Variants in ARPC3 observed in about 807,000 individuals in gnomAD.
ARPC3 encodes actin related protein 2/3 complex subunit 3, also known as actin-related protein 2/3 complex subunit 3.
ARPC3 carries 12 observed loss-of-function variants against 27.6 expected under a neutral mutation model. The ratio of observed to expected loss-of-function variants is 0.43; its 90% CI spans 0.28 to 0.70. The LOEUF is 0.70. Among genes scored for constraint, ARPC3 ranks in the 30% least tolerant of loss-of-function variants. The pLI is 0.17. For synonymous variants in ARPC3, 53 were observed against 67.2 expected, an observed-to-expected ratio of 0.79 and a Z score of 1.03; for missense variants, 153 against 207.7, an observed-to-expected ratio of 0.74 and a Z score of 1.62.
chr12:110,441,510 A>G (rs551548253), intron 2 of ARPC3, among the ~76,000 whole-genome samples: 1 of 152,284 alleles, frequency 6.6e-6, no homozygotes, highest in East Asian at 1.9e-4. Context: ...ATACATGCTC[A>G]TTAGAAAATG....
chr12:110,444,061 C>G (rs1056403389), intron 2 of ARPC3, among the ~76,000 whole-genome samples: 1 of 151,806 alleles, frequency 6.6e-6, no homozygotes, highest in Non-Finnish European at 1.5e-5. Context: ...CCTCCACCTC[C>G]CAGGTTCAAG....
intron 1 of ARPC3, among the ~76,000 whole-genome samples, chr12:110,449,015 C>T (rs2062483228): frequency 6.6e-6 from 1 of 151,622 alleles, no homozygotes; most frequent in Non-Finnish European, 1.5e-5. Flanking sequence ...ACCTCGTGAT[C>T]CGCCCACCTA....
intron 1 of ARPC3, among the ~76,000 whole-genome samples, chr12:110,448,275 A>G (rs2062477030): frequency 1.3e-5 from 2 of 152,146 alleles, no homozygotes; most frequent in Non-Finnish European, 2.9e-5. Context: ...TAAAACAGGA[A>G]TCATGGTACC....
intron 1 of ARPC3, 151 bp from the exon 2 acceptor site, chr12:110,445,702 G>A: frequency 1.5e-6 from 1 of 675,512 alleles, no homozygotes; most frequent in Non-Finnish European, 2.7e-6. Context: ...TGCGAGGGCT[G>A]GTTCTTTCTG....
At chr12:110,438,258 T>C (rs1372797291) in intron 3 of ARPC3, among the ~76,000 whole-genome samples, 1 of 145,822 alleles carries the variant, frequency 6.9e-6, no homozygotes, top group East Asian at 2.1e-4. Flanking sequence ...ACTGTACCAC[T>C]GCACTGCAGC....
intron 1 of ARPC3, among the ~76,000 whole-genome samples, chr12:110,447,233 TG>T (rs1179246045): frequency 1.3e-5 from 2 of 152,202 alleles, no homozygotes; most frequent in African/African-American, 4.8e-5. Flanking sequence ...TTCCCTTCAG[TG>T]GGTAGGTGTG....
At chr12:110,448,550 C>T (rs988236847) in intron 1 of ARPC3, among the ~76,000 whole-genome samples, 1 of 151,528 alleles carries the variant, frequency 6.6e-6, no homozygotes, top group South Asian at 2.1e-4. Flanking sequence ...TGGTGGCGTA[C>T]ACCTGTAGTC....
intron 3 of ARPC3, among the ~76,000 whole-genome samples, chr12:110,439,172 G>T (rs1322506290): frequency 6.6e-6 from 1 of 152,026 alleles, no homozygotes; most frequent in Non-Finnish European, 1.5e-5. Context: ...TTTTGGTAGA[G>T]ATGGGGTTTC....
intron 2 of ARPC3, among the ~76,000 whole-genome samples, chr12:110,441,910 T>C (rs1415975199): frequency 6.6e-6 from 1 of 151,500 alleles, no homozygotes; most frequent in African/African-American, 2.4e-5. Context: ...CAGGCACCTG[T>C]AATCCCAGCT....
Position 110,445,468 on chromosome 12 carries a change from T to C in ARPC3, c.90A>G (p.Gly30=). 1 of 1,610,946 alleles carries C rather than the reference T, an allele frequency of 6.2e-7. No individual in the cohort carries two copies. Among genetic ancestry groups the C allele is most frequent in the Non-Finnish European group, 8.5e-7 (1 of 1,177,102 alleles). ...TAGACTTACTCTCTCTGGGGGCAGG[T>C]CCTTTGAATTGACTTCTGATAGGCA... The part of the protein sequence containing the change: ...ALLPIRSQFK[G]PAPRETKDTD... Residue 30 remains glycine (G), a synonymous_variant, in exon 2 of 7, where the codon GGA becomes GGG. Coordinates refer to ENST00000228825, the MANE Select transcript of ARPC3 (RefSeq NM_001278556.2).
rs1408818609 is a variant in ARPC3, at chr12:110,437,215, T to C, written c.184-63A>G. 9.0e-6 allele frequency: 10 copies of C among 1,105,812 alleles called. 1 individual carries two copies. In the Admixed American group the frequency reaches 1.5e-4, roughly 17 times the overall value. The allele number at this position is 1,105,812 out of a possible 1,614,324, so 68.5% of individuals were successfully genotyped here. On this transcript the variant is annotated intron_variant, in intron 3 of 6. Coordinates refer to ENST00000228825, the MANE Select transcript of ARPC3 (RefSeq NM_001278556.2). ...AAACATAACAATGATGTGCAATGTA[T>C]GCATTCCATCTTTGTCTTCTGATTA... is the stretch of plus-strand genomic sequence containing the variant.
At chr12:110,439,263 G>C (rs2062422600) in intron 3 of ARPC3, among the ~76,000 whole-genome samples, 1 of 152,078 alleles carries the variant, frequency 6.6e-6, no homozygotes, top group African/African-American at 2.4e-5. Context: ...GGGATTACAG[G>C]CGTGAGCCAC....
intron 2 of ARPC3, among the ~76,000 whole-genome samples, chr12:110,440,770 T>A (rs1034218643): frequency 4.0e-5 from 6 of 151,008 alleles, no homozygotes; most frequent in Admixed American, 6.6e-5. Flanking sequence ...ATGGTCTTGA[T>A]CTCCTGACCG....
intron 3 of ARPC3, among the ~76,000 whole-genome samples, chr12:110,437,817 C>T (rs2062414532): frequency 1.3e-5 from 2 of 152,132 alleles, no homozygotes; most frequent in Non-Finnish European, 2.9e-5. Flanking sequence ...TTTTAAAAAC[C>T]CTTCCCTTCA....
At chr12:110,437,861 C>G (rs1243876240) in intron 3 of ARPC3, among the ~76,000 whole-genome samples, 1 of 152,150 alleles carries the variant, frequency 6.6e-6, no homozygotes, top group Non-Finnish European at 1.5e-5. Flanking sequence ...AGTCATTACT[C>G]TAAAGGAGGA....
At chr12:110,435,255 C>A in intron 6 of ARPC3, 38 bp from the exon 7 acceptor site, 1 of 1,450,852 alleles carries the variant, frequency 6.9e-7, no homozygotes, top group Non-Finnish European at 9.7e-7. Flanking sequence ...ACAGCGGGGT[C>A]AAATTACAAT....
chr12:110,441,118 C>T (rs1411628062), intron 2 of ARPC3, among the ~76,000 whole-genome samples: 1 of 151,960 alleles, frequency 6.6e-6, no homozygotes, highest in Non-Finnish European at 1.5e-5. Context: ...GCTGGGATCA[C>T]AGGCATAAGC....
chr12:110,438,806 G>A (rs2135499372), intron 3 of ARPC3, among the ~76,000 whole-genome samples: 1 of 151,096 alleles, frequency 6.6e-6, no homozygotes, highest in South Asian at 2.1e-4. Context: ...ACCACGCCCA[G>A]TTAATTTTGT....
At position 110,436,549 on chromosome 12, in the gene ARPC3, G is replaced by A; in HGVS notation, c.379+8C>T. 6.2e-7 allele frequency: 1 copy of A among 1,613,892 alleles called. No homozygotes were observed. Among genetic ancestry groups the A allele is most frequent in the Non-Finnish European group, 8.5e-7 (1 of 1,179,946 alleles). On this transcript the variant is annotated splice_region_variant and intron_variant, in intron 5 of 6. Coordinates refer to ENST00000228825, the MANE Select transcript of ARPC3 (RefSeq NM_001278556.2). ...TGTCACAGAGTGAGGATAGAGACCT[G>A]TTCTTACCATCTTCCTGTTTGTTTG...
Sources: gnomAD v4.1 joint callset for allele counts (sites outside exome capture counted in the v4.1 genomes callset) on GRCh38, gnomAD v4.1.1 for gene constraint, MANE v1.5 for transcripts, NCBI Gene and HGNC (gene_info 2026-07-23, HGNC 2026-07-21) for gene names.